The following ITPR1 variants were observed in gnomAD, a reference collection of about 807,000 sequenced individuals.
ITPR1 encodes inositol 1,4,5-trisphosphate receptor type 1.
Under a neutral mutation model 318.4 loss-of-function variants are expected in ITPR1, and 96 were observed. The observed-to-expected ratio is 0.30, with a 90% CI of 0.26 to 0.36. ITPR1 has a LOEUF of 0.36. ITPR1 is among the 10% of genes least tolerant of loss of function. The pLI is 1.00. For synonymous variants in ITPR1, 1,312 were observed against 1,289.9 expected, an observed-to-expected ratio of 1.02 and a Z score of -0.37; for missense variants, 2,440 against 3,460.2, an observed-to-expected ratio of 0.71 and a Z score of 7.40.
At chr3:4,828,111 A>G (rs1008528402) in intron 60 of ITPR1, among the ~76,000 whole-genome samples, 2 of 152,164 alleles carry the variant, frequency 1.3e-5, no homozygotes, top group Admixed American at 6.5e-5. Flanking sequence ...CTTATTGGTG[A>G]GGATGTGTGT....
At chr3:4,690,023 T>C (rs2094455582) in intron 31 of ITPR1, among the ~76,000 whole-genome samples, 1 of 152,236 alleles carries the variant, frequency 6.6e-6, no homozygotes, top group Admixed American at 6.5e-5. Context: ...ACGCCTGTAA[T>C]CCCAGCACTT....
intron 48 of ITPR1, 57 bp downstream of exon 48, chr3:4,777,431 T>A (rs1212670863): frequency 9.1e-7 from 1 of 1,100,620 alleles, no homozygotes; most frequent in African/African-American, 1.6e-5. Context: ...TTTTGTGTTT[T>A]GCCTTGGCAC....
chr3:4,811,784 C>T (rs1184365873), intron 56 of ITPR1, among the ~76,000 whole-genome samples: 1 of 152,176 alleles, frequency 6.6e-6, no homozygotes, highest in Non-Finnish European at 1.5e-5. Context: ...AGTAAATCTA[C>T]TTCTAGGATC....
intron 60 of ITPR1, among the ~76,000 whole-genome samples, chr3:4,830,627 C>G (rs1323233800): frequency 6.6e-6 from 1 of 152,134 alleles, no homozygotes; most frequent in Non-Finnish European, 1.5e-5. Flanking sequence ...ACCCCGTACC[C>G]CCTTCTAGTC....
intron 44 of ITPR1, among the ~76,000 whole-genome samples, chr3:4,745,219 G>A (rs1183937846): frequency 6.8e-6 from 1 of 148,100 alleles, no homozygotes; most frequent in Non-Finnish European, 1.5e-5. Flanking sequence ...TTTGGTGGGA[G>A]CAGACAGGGT....
At chr3:4,681,734 A>T (rs1397251873) in intron 26 of ITPR1, among the ~76,000 whole-genome samples, 1 of 151,972 alleles carries the variant, frequency 6.6e-6, no homozygotes, top group Non-Finnish European at 1.5e-5. Context: ...CATAGTGAGG[A>T]AATGCAATCA....
chr3:4,622,395 A>G (rs901780535), intron 4 of ITPR1, among the ~76,000 whole-genome samples: 3 of 150,172 alleles, frequency 2.0e-5, no homozygotes, highest in African/African-American at 7.4e-5. Context: ...TTACAGGCAT[A>G]AGCCACTGCG....
intron 5 of ITPR1, among the ~76,000 whole-genome samples, chr3:4,639,167 G>A (rs769254321): frequency 1.3e-5 from 2 of 151,972 alleles, no homozygotes; most frequent in Admixed American, 6.6e-5. Context: ...AGAAAAAAAA[G>A]CATTTTAAAG....
intron 4 of ITPR1, among the ~76,000 whole-genome samples, chr3:4,541,725 A>G (rs2084470839): frequency 6.6e-6 from 1 of 151,892 alleles, no homozygotes; most frequent in Non-Finnish European, 1.5e-5. Flanking sequence ...TCCCAGGTTC[A>G]AGCCGTTCTC....
intron 34 of ITPR1, among the ~76,000 whole-genome samples, chr3:4,699,510 G>A (rs2094610112): frequency 6.6e-6 from 1 of 152,196 alleles, no homozygotes; most frequent in African/African-American, 2.4e-5. Context: ...TAGTCACTGT[G>A]CTTCTTACTG....
chr3:4,827,248 A>G (rs1043199220), intron 60 of ITPR1, among the ~76,000 whole-genome samples: 1 of 152,164 alleles, frequency 6.6e-6, no homozygotes, highest in African/African-American at 2.4e-5. Context: ...CAGACGTCCT[A>G]ACTACATTTG....
At chr3:4,775,137 TG>T in intron 46 of ITPR1, 104 bp from the exon 47 acceptor site, 1 of 840,496 alleles carries the variant, frequency 1.2e-6, no homozygotes, top group Non-Finnish European at 2.0e-6. Flanking sequence ...GGCATCTCTC[TG>T]TATAATTACC....
At chr3:4,514,504 G>A (rs1338013544) in intron 2 of ITPR1, among the ~76,000 whole-genome samples, 2 of 152,098 alleles carry the variant, frequency 1.3e-5, no homozygotes, top group East Asian at 1.9e-4. Context: ...TCCAGGTGGC[G>A]GTGATGGTTC....
intron 42 of ITPR1, among the ~76,000 whole-genome samples, chr3:4,731,408 G>A (rs900796702): frequency 2.1e-4 from 32 of 152,184 alleles, no homozygotes; most frequent in African/African-American, 7.5e-4. Flanking sequence ...TTACCCATTT[G>A]AAGCACTCTT....
chr3:4,499,405 G>A (rs1424466839), intron 2 of ITPR1, among the ~76,000 whole-genome samples: 1 of 152,016 alleles, frequency 6.6e-6, no homozygotes, highest in African/African-American at 2.4e-5. Context: ...ACAGACATCT[G>A]TGTCTCATTT....
Position 4,683,726 on chromosome 3 carries a change from G to T in ITPR1, c.3426G>T (p.Trp1142Cys). ...CCATCGTGGAAAAGTCAGAGCTTTG[G>T]GTGTACAAAGGGCAGGGCCCCGATG... ...LRSIVEKSELWVYKGQGPDET... is the reference protein window; with the variant it reads ...LRSIVEKSELCVYKGQGPDET... The change falls in exon 28 of 62, where the codon TGG (tryptophan) becomes TGT (cysteine). Residue 1142 changes from tryptophan (W) to cysteine (C), a missense_variant. Physicochemically the swap from Trp to Cys is radical, Grantham distance 215. Around this residue, in one of 23 missense-constraint regions of ITPR1, gnomAD observed 76 missense variants for 132.2 expected, o/e 0.58. Transcript: ENST00000649015. The T allele has an allele frequency of 6.2e-7, 1 of 1,613,994 alleles. No individual in the cohort carries two copies. The highest frequency in any genetic ancestry group is 8.5e-7 in the Non-Finnish European group (1 of 1,179,880).
At chr3:4,616,665 A>C (rs1442581913) in intron 4 of ITPR1, among the ~76,000 whole-genome samples, 1 of 152,220 alleles carries the variant, frequency 6.6e-6, no homozygotes, top group South Asian at 2.1e-4. Context: ...GGTTTTGAAG[A>C]GTTCAGATTC....
intron 33 of ITPR1, among the ~76,000 whole-genome samples, chr3:4,694,597 C>T (rs945766077): frequency 1.3e-5 from 2 of 152,178 alleles, no homozygotes; most frequent in Admixed American, 6.5e-5. Context: ...CTACACACCT[C>T]GGCTATATGG....
In ITPR1 at chr3:4,722,382, A is replaced by G. The variant is rs187100219; in HGVS notation, c.5137-3164A>G. On this transcript the variant is annotated intron_variant, in intron 40 of 61. Coordinates refer to ENST00000649015, the MANE Select transcript of ITPR1 (RefSeq NM_001378452.1). ...GCAGTGACTGGTCCTGGGACTAAGCAGGAATACAGAACATGGGAATTTCAG... is the reference window on the plus strand; with the variant it reads ...GCAGTGACTGGTCCTGGGACTAAGCGGGAATACAGAACATGGGAATTTCAG... Among the ~76,000 whole-genome samples the G allele has an allele frequency of 5.0e-3, 763 of 152,336 alleles. 4 individuals carry two copies. Among genetic ancestry groups the G allele is most frequent in the Non-Finnish European group, 8.5e-3 (576 of 68,028 alleles).
Sources: allele counts gnomAD v4.1 joint callset (sites outside exome capture counted in the v4.1 genomes callset), GRCh38; gene constraint gnomAD v4.1.1; regional missense constraint gnomAD v4.1.1; transcripts MANE v1.5; gene names NCBI Gene and HGNC (gene_info 2026-07-23, HGNC 2026-07-21).